Variants in GPC6 observed in about 807,000 individuals in gnomAD.
The protein encoded by GPC6 is glypican-6.
A neutral mutation model predicts 55.2 loss-of-function variants in GPC6; 14 were observed. The observed-to-expected ratio is 0.25, with a 90% confidence interval of 0.17 to 0.40. The LOEUF (loss-of-function observed/expected upper bound fraction) is 0.40. Ranked by LOEUF, GPC6 falls within the 10% of genes least tolerant of loss-of-function variation. The pLI is 1.00. For missense variants in GPC6, 641 were observed against 708.5 expected, an observed-to-expected ratio of 0.90 and a Z score of 1.08; for synonymous variants, 278 against 259.6, an observed-to-expected ratio of 1.07 and a Z score of -0.68.
chr13:93,968,902 C>T (rs766149638), intron 3 of GPC6, among the ~76,000 whole-genome samples: 11 of 152,108 alleles, frequency 7.2e-5, no homozygotes, highest in Non-Finnish European at 1.2e-4. Flanking sequence ...AACTAAGAGG[C>T]TTGAGAAATT....
intron 3 of GPC6, among the ~76,000 whole-genome samples, chr13:93,870,351 C>A (rs147098823): frequency 6.6e-6 from 1 of 151,800 alleles, no homozygotes; most frequent in Non-Finnish European, 1.5e-5. Context: ...GCCACTATTA[C>A]GAAGAAAAAG....
At chr13:94,274,464 G>A (rs570166405) in intron 4 of GPC6, among the ~76,000 whole-genome samples, 4 of 151,972 alleles carry the variant, frequency 2.6e-5, no homozygotes, top group African/African-American at 4.8e-5. Flanking sequence ...AAATTGGTTC[G>A]CTTCCATTTT....
At chr13:93,368,582 GA>G (rs1303701908) in intron 1 of GPC6, among the ~76,000 whole-genome samples, 3 of 151,856 alleles carry the variant, frequency 2.0e-5, no homozygotes, top group Non-Finnish European at 2.9e-5. Context: ...CTTCAGCCTG[GA>G]GTTGAGCAGA....
intron 2 of GPC6, among the ~76,000 whole-genome samples, chr13:93,605,790 T>C (rs1270801772): frequency 2.1e-5 from 3 of 142,842 alleles, no homozygotes; most frequent in East Asian, 4.1e-4. Context: ...TGGAGTGAGC[T>C]GAGATCGTGC....
At chr13:93,614,072 A>G (rs1199275990) in intron 2 of GPC6, among the ~76,000 whole-genome samples, 2 of 152,194 alleles carry the variant, frequency 1.3e-5, no homozygotes, top group Admixed American at 6.5e-5. Context: ...TTTATGTTCA[A>G]GGAGGAATAG....
chr13:93,227,178 C>G lies in GPC6; in HGVS notation c.-279C>G, dbSNP rs1038720571. The G allele has an allele frequency of 6.5e-5, 22 of 340,316 alleles. No individual in the cohort carries two copies. The Middle Eastern group carries it at 3.1e-3, about 47-fold the overall frequency. 21.1% of individuals were successfully genotyped at this position (340,316 alleles called of 1,614,324 possible). ...TTAAACACTTCTTTTCCTTCTCTTC[C>G]TCGTTTTGATTGCACCGTTTCCATC... On this transcript the variant is annotated 5_prime_UTR_variant, in exon 1 of 9. Coordinates refer to ENST00000377047, the MANE Select transcript of GPC6 (RefSeq NM_005708.5). The surrounding 1 kb of genome is among the most constrained non-coding windows in gnomAD (Gnocchi z 4.3).
intron 1 of GPC6, among the ~76,000 whole-genome samples, chr13:93,464,353 C>T (rs915301477): frequency 6.6e-6 from 1 of 152,142 alleles, no homozygotes; most frequent in African/African-American, 2.4e-5. Context: ...ACATTGTAGC[C>T]ATGGTAGAAC....
At position 94,090,271 on chromosome 13, in the gene GPC6, G is replaced by A. The variant is rs774815472; in HGVS notation, c.877+62377G>A. Reference sequence around the variant, plus strand: ...GTCATGAGAACAGCATGGGAAAACCGGCCCCTGTGATTTAATTACCTCCCA... The same window carrying A: ...GTCATGAGAACAGCATGGGAAAACCAGCCCCTGTGATTTAATTACCTCCCA... On this transcript the variant is annotated intron_variant, in intron 4 of 8. Transcript: ENST00000377047. Among the ~76,000 whole-genome samples the A allele has an allele frequency of 1.2e-4, 18 of 152,096 alleles. No individual in the cohort carries two copies. In the South Asian group the frequency reaches 1.9e-3, roughly 16 times the overall value.
intron 6 of GPC6, among the ~76,000 whole-genome samples, chr13:94,309,659 C>T (rs1181025469): frequency 2.0e-5 from 3 of 150,468 alleles, no homozygotes; most frequent in African/African-American, 7.3e-5. Context: ...TTGTGTTATC[C>T]AAGAATGAGT....
intron 4 of GPC6, among the ~76,000 whole-genome samples, chr13:94,072,525 T>C (rs1192417526): frequency 3.3e-5 from 5 of 152,194 alleles, no homozygotes; most frequent in African/African-American, 9.6e-5. Context: ...GGCTAATTTT[T>C]GTATTCTTAG....
At chr13:94,049,662 C>T (rs896070052) in intron 4 of GPC6, among the ~76,000 whole-genome samples, 3 of 151,988 alleles carry the variant, frequency 2.0e-5, no homozygotes, top group Non-Finnish European at 1.5e-5. Context: ...CAAAATGCAC[C>T]TTCTTAGTGA....
At chr13:93,570,629 G>C (rs1876357076) in intron 2 of GPC6, among the ~76,000 whole-genome samples, 1 of 152,142 alleles carries the variant, frequency 6.6e-6, no homozygotes, top group African/African-American at 2.4e-5. Flanking sequence ...AGGTAAAGCA[G>C]AAACAGTTGA....
intron 4 of GPC6, among the ~76,000 whole-genome samples, chr13:94,130,994 A>T (rs1886982724): frequency 6.6e-6 from 1 of 152,158 alleles, no homozygotes; most frequent in Non-Finnish European, 1.5e-5. Context: ...ATGGGGAATT[A>T]TATTCTGAAT....
intron 1 of GPC6, among the ~76,000 whole-genome samples, chr13:93,276,550 A>C (rs1241129281): frequency 6.7e-6 from 1 of 150,150 alleles, no homozygotes; most frequent in Non-Finnish European, 1.5e-5. Context: ...GAGGCACAGG[A>C]GAAGAATCCC....
At chr13:93,518,475 C>A (rs1041160380) in intron 1 of GPC6, among the ~76,000 whole-genome samples, 2 of 152,002 alleles carry the variant, frequency 1.3e-5, no homozygotes, top group African/African-American at 4.8e-5. Context: ...TCCTTAGCTT[C>A]ACTTCTTGAA....
intron 4 of GPC6, among the ~76,000 whole-genome samples, chr13:94,117,267 G>C (rs1303817569): frequency 6.6e-6 from 1 of 152,042 alleles, no homozygotes; most frequent in African/African-American, 2.4e-5. Flanking sequence ...GTGTGGCTTG[G>C]TCAGAGAAAC....
At chr13:93,988,102 G>A (rs1881116978) in intron 3 of GPC6, among the ~76,000 whole-genome samples, 2 of 152,252 alleles carry the variant, frequency 1.3e-5, no homozygotes, top group East Asian at 3.9e-4. Context: ...ATTACCACGG[G>A]TAGTTTTTAA....
chr13:93,814,646 C>T (rs1354466169), intron 2 of GPC6, among the ~76,000 whole-genome samples: 3 of 152,154 alleles, frequency 2.0e-5, no homozygotes, highest in African/African-American at 7.2e-5. Context: ...TGGAAAGATA[C>T]AAAAACTACT....
At chr13:93,808,460 C>A (rs1486112444) in intron 2 of GPC6, among the ~76,000 whole-genome samples, 1 of 152,170 alleles carries the variant, frequency 6.6e-6, no homozygotes, top group African/African-American at 2.4e-5. Flanking sequence ...ATATGAGATG[C>A]TTTCAGCCAA....
Sources: gnomAD v4.1 joint callset for allele counts (sites outside exome capture counted in the v4.1 genomes callset) on GRCh38, gnomAD v4.1.1 for gene constraint, Gnocchi (gnomAD v3.1) non-coding constraint, MANE v1.5 for transcripts, NCBI Gene and HGNC (gene_info 2026-07-23, HGNC 2026-07-21) for gene names.